Variants in FAT3 observed in about 807,000 individuals in gnomAD.
FAT3 encodes the protein FAT atypical cadherin 3, also known as protocadherin Fat 3.
In FAT3, 95 loss-of-function variants were observed where a neutral mutation model predicts 310.2. That is an observed-to-expected ratio of 0.31 (90% confidence interval 0.26 to 0.36). The LOEUF (loss-of-function observed/expected upper bound fraction) is 0.36, where lower values mean the gene tolerates loss of function less well. FAT3 is among the 10% of genes least tolerant of loss of function. The probability of loss-of-function intolerance (pLI) is 1.00; values close to 1 mark genes in which losing one functional copy is unlikely to be tolerated. For synonymous variants in FAT3, 2,314 were observed against 2,192.9 expected (o/e 1.06, Z -1.54); for missense variants, 5,408 against 5,715.6 (o/e 0.95, Z 1.74).
At chr11:92,618,479 C>T (rs1056321249) in intron 3 of FAT3, among the ~76,000 whole-genome samples, 2 of 152,172 alleles carry the variant, frequency 1.3e-5, no homozygotes, top group Non-Finnish European at 2.9e-5. Context: ...GTGGGCTGCA[C>T]CCACTGTCCG....
chr11:92,477,791 T>C (rs1952088109), intron 2 of FAT3, among the ~76,000 whole-genome samples: 1 of 152,216 alleles, frequency 6.6e-6, no homozygotes, highest in Non-Finnish European at 1.5e-5. Flanking sequence ...ATGTCTGTAT[T>C]AGAACACAAG....
intron 2 of FAT3, among the ~76,000 whole-genome samples, chr11:92,501,486 CAG>C (rs1291660754): frequency 6.6e-6 from 1 of 152,038 alleles, no homozygotes; most frequent in Non-Finnish European, 1.5e-5. Context: ...AATAGCAATA[CAG>C]AGTCAGAGAC....
At position 92,354,611 on chromosome 11, in the gene FAT3, A is replaced by G. The variant is rs1948678189; in HGVS notation, c.2499A>G (p.Gln833=). Residue 833 remains glutamine (Q), a synonymous_variant, in exon 2 of 28, where the codon CAA becomes CAG. Coordinates refer to ENST00000525166, the MANE Select transcript of FAT3 (RefSeq NM_001367949.2). ...ATGACAATAGCCCAGTTTTTATTCA[A>G]GACAGTTACTCAGTTAACATTCTTG... ...DANDNSPVFI[Q]DSYSVNILES... 1.2e-6 allele frequency: 2 copies of G among 1,613,700 alleles called. No homozygotes were observed. Among genetic ancestry groups the G allele is most frequent in the African/African-American group, 2.7e-5 (2 of 74,922 alleles).
At chr11:92,666,223 G>A (rs1942944315) in intron 3 of FAT3, among the ~76,000 whole-genome samples, 1 of 152,172 alleles carries the variant, frequency 6.6e-6, no homozygotes, top group East Asian at 1.9e-4. Flanking sequence ...AGCTTGAGAG[G>A]AGTCAAGATA....
chr11:92,227,928 T>TA (rs897170775), intron 1 of FAT3, among the ~76,000 whole-genome samples: 3 of 151,754 alleles, frequency 2.0e-5, no homozygotes, highest in African/African-American at 4.8e-5. Context: ...TTTTTATTTT[T>TA]TTTTTAACAT....
intron 2 of FAT3, among the ~76,000 whole-genome samples, chr11:92,473,130 C>T (rs574149770): frequency 1.3e-5 from 2 of 152,294 alleles, no homozygotes; most frequent in African/African-American, 4.8e-5. Flanking sequence ...CTACACATGG[C>T]AGCCTTCACT....
Position 92,352,477 on chromosome 11 carries a change from A to G in FAT3, c.365A>G (p.Gln122Arg). ...TCTGCCATATTAAATAGGGAAATCC[A>G]GGATAATTATTTATTGATAGTAAAA... is the stretch of plus-strand genomic sequence containing the variant. ...GNSAILNREIQDNYLLIVKGS... is the reference protein window; with the variant it reads ...GNSAILNREIRDNYLLIVKGS... Residue 122 changes from glutamine to arginine, a missense_variant, in exon 2 of 28, where the codon CAG (glutamine) becomes CGG (arginine). Coordinates refer to ENST00000525166, the MANE Select transcript of FAT3 (RefSeq NM_001367949.2). 1.9e-6 allele frequency: 3 copies of G among 1,612,730 alleles called. No homozygotes were observed. The highest frequency in any genetic ancestry group is 1.1e-5 in the South Asian group (1 of 90,294).
rs1382641756 is a variant in FAT3 at position 92,876,181 on chromosome 11, T to TC, written c.12128-4546dup. ...GGACTCCCCCCATTCCTGACTTCCC[T>TC]CCCCATCATTGATGTGCTTTTCAGA... is the stretch of plus-strand genomic sequence containing the variant. On this transcript the variant is annotated intron_variant, in intron 22 of 27. Coordinates refer to ENST00000525166, the MANE Select transcript of FAT3 (RefSeq NM_001367949.2). Among the ~76,000 whole-genome samples, 9 of 152,148 alleles carry TC rather than the reference T, an allele frequency of 5.9e-5. No homozygotes were observed. In the East Asian group the frequency reaches 1.7e-3, roughly 29 times the overall value.
chr11:92,766,777 A>G (rs1331806470), intron 6 of FAT3: 2 of 152,218 alleles, frequency 1.3e-5, no homozygotes, highest in African/African-American at 4.8e-5. Context: ...CAGCTCATTA[A>G]GATATTATCT....
At chr11:92,247,049 C>A (rs1047530420) in intron 1 of FAT3, among the ~76,000 whole-genome samples, 1 of 152,020 alleles carries the variant, frequency 6.6e-6, no homozygotes, top group Non-Finnish European at 1.5e-5. Flanking sequence ...ATTGGAGAGA[C>A]AGAAGGATTG....
chr11:92,791,600 T>A (rs533300311), intron 8 of FAT3, among the ~76,000 whole-genome samples: 3 of 152,232 alleles, frequency 2.0e-5, no homozygotes, highest in Admixed American at 2.0e-4. Flanking sequence ...TGCTTTACAC[T>A]GCCTTTTTCC....
intron 3 of FAT3, among the ~76,000 whole-genome samples, chr11:92,661,394 A>G (rs912666773): frequency 2.9e-4 from 44 of 152,338 alleles, no homozygotes; most frequent in African/African-American, 9.6e-4. Context: ...GAACTGCCCC[A>G]CAGCTCTGAG....
At chr11:92,729,701 A>G (rs2135995250) in intron 4 of FAT3, among the ~76,000 whole-genome samples, 1 of 152,158 alleles carries the variant, frequency 6.6e-6, no homozygotes, top group Middle Eastern at 3.4e-3. Flanking sequence ...CTGGGATTAT[A>G]GGCGTGAGCC....
chr11:92,857,458 C>T, intron 20 of FAT3, 110 bp downstream of exon 20: 2 of 1,422,004 alleles, frequency 1.4e-6, no homozygotes, highest in Middle Eastern at 1.9e-4. Context: ...TTTATGCATG[C>T]AACCTTTTCC....
chr11:92,694,471 G>A (rs1943882116), intron 3 of FAT3, among the ~76,000 whole-genome samples: 1 of 152,174 alleles, frequency 6.6e-6, no homozygotes, highest in African/African-American at 2.4e-5. Context: ...ATCAATATGT[G>A]AGAAACACAT....
chr11:92,442,861 A>G (rs1376120429), intron 2 of FAT3, among the ~76,000 whole-genome samples: 2 of 152,058 alleles, frequency 1.3e-5, no homozygotes, highest in African/African-American at 4.8e-5. Context: ...AAGGTGCTTA[A>G]CCTCACTGAG....
intron 3 of FAT3, among the ~76,000 whole-genome samples, chr11:92,683,741 G>T (rs1943553059): frequency 6.6e-6 from 1 of 152,118 alleles, no homozygotes; most frequent in South Asian, 2.1e-4. Flanking sequence ...TGGCCTATGA[G>T]ACTATGGAAT....
chr11:92,754,647 G>GAAAAAAAAAAAAAAAAAAAAAAA (rs1555140560), intron 4 of FAT3, among the ~76,000 whole-genome samples: 1 of 62,824 alleles, frequency 1.6e-5, no homozygotes, highest in African/African-American at 1.0e-4. Flanking sequence ...AAAAAAAAAG[G>GAAAAAAAAAAAAAAAAAAAAAAA]AGATAGAGAC....
At chr11:92,484,143 T>C (rs556646025) in intron 2 of FAT3, among the ~76,000 whole-genome samples, 3 of 152,246 alleles carry the variant, frequency 2.0e-5, no homozygotes, top group Non-Finnish European at 4.4e-5. Flanking sequence ...GTATGTCTTC[T>C]TCTTGGCATA....
Sources: allele counts gnomAD v4.1 joint callset (sites outside exome capture counted in the v4.1 genomes callset), GRCh38; gene constraint gnomAD v4.1.1; transcripts MANE v1.5; gene names NCBI Gene and HGNC (gene_info 2026-07-23, HGNC 2026-07-21).